The following WAPL variants were observed in gnomAD, a reference collection of about 807,000 sequenced individuals.
WAPL encodes wings apart-like protein homolog.
Under a neutral mutation model 121.0 loss-of-function variants are expected in WAPL, and 5 were observed. The ratio of observed to expected loss-of-function variants is 0.04; its 90% confidence interval spans 0.02 to 0.09. The LOEUF is 0.09. WAPL is among the 10% of genes least tolerant of loss of function. WAPL has a pLI of 1.00. For missense variants in WAPL, 999 were observed against 1,410.8 expected, an observed-to-expected ratio of 0.71 and a Z score of 4.68; for synonymous variants, 480 against 481.5, an observed-to-expected ratio of 1.00 and a Z score of 0.04.
chr10:86,472,526 CTGA>C lies in WAPL; in HGVS notation c.1893+83_1893+85del. 1 of 1,559,176 alleles carries C rather than the reference CTGA, an allele frequency of 6.4e-7. No individual in the cohort carries two copies. Among genetic ancestry groups the C allele is most frequent in the Admixed American group, 2.0e-5 (1 of 51,098 alleles). ...TGGTTCAAAACTGAGTATCAGTATA[CTGA>C]TATTTGTTGAAGATATTAAATGGCT... On this transcript the variant is annotated intron_variant, in intron 6 of 18. Coordinates refer to ENST00000298767, the MANE Select transcript of WAPL (RefSeq NM_015045.5). The surrounding 1 kb of genome is among the most constrained non-coding windows in gnomAD (Gnocchi z 4.2).
rs1436356982 is a variant in WAPL, at chr10:86,437,487, T to C, written c.*56A>G. 6.4e-7 allele frequency: 1 copy of C among 1,569,544 alleles called. No individual in the cohort carries two copies. The highest frequency in any genetic ancestry group is 2.3e-5 in the East Asian group (1 of 44,350). On this transcript the variant is annotated 3_prime_UTR_variant, in exon 19 of 19. Transcript: ENST00000298767. ...AGGACTTCTTTCATGACTTGACTTT[T>C]CTTTGTCTAAGGATAGCTCCAGCAT...
intron 5 of WAPL, among the ~76,000 whole-genome samples, 171 bp downstream of exon 5, chr10:86,473,707 A>C (rs1340545091): frequency 1.3e-5 from 2 of 152,210 alleles, no homozygotes; most frequent in East Asian, 3.8e-4. Context: ...TCTTACTGAC[A>C]ATCCTCAGTT....
intron 13 of WAPL, 93 bp downstream of exon 13, chr10:86,453,563 A>C: frequency 7.0e-7 from 1 of 1,421,898 alleles, no homozygotes; most frequent in African/African-American, 1.4e-5. Flanking sequence ...CAAATAAAAA[A>C]ATCACTACCC....
intron 8 of WAPL, 25 bp from the exon 9 acceptor site, chr10:86,467,531 G>GA (rs765812391): frequency 1.4e-5 from 22 of 1,556,890 alleles, no homozygotes; most frequent in Admixed American, 1.4e-4. Flanking sequence ...AAAAAGAAAA[G>GA]AAAAAAAACT....
intron 4 of WAPL, among the ~76,000 whole-genome samples, chr10:86,486,391 C>T (rs1350784230): frequency 6.6e-6 from 1 of 152,132 alleles, no homozygotes; most frequent in Non-Finnish European, 1.5e-5. Context: ...CCCGTATAAA[C>T]TCATTTTATA....
chr10:86,469,694 C>G (rs1469433258), intron 8 of WAPL, among the ~76,000 whole-genome samples: 1 of 152,152 alleles, frequency 6.6e-6, no homozygotes, highest in Non-Finnish European at 1.5e-5. Flanking sequence ...ACAGAAAACA[C>G]AACCATCTAA....
rs548077152 is a variant in WAPL, at chr10:86,491,061, T to TTAAA, written c.1644+6136_1644+6139dup. ...CTGGGTGACAGAGCAAGACTCTGTC[T>TTAAA]TAAATAAATAAATAAATAAATACAT... On this transcript the variant is annotated intron_variant, in intron 4 of 18. Transcript: ENST00000298767. Among the ~76,000 whole-genome samples, 949 of 150,740 alleles carry TTAAA rather than the reference T, an allele frequency of 6.3e-3. 11 individuals carry two copies. The highest frequency in any genetic ancestry group is 0.022 in the African/African-American group (880 of 40,920).
chr10:86,513,573 C>G (rs1489791685), intron 2 of WAPL, among the ~76,000 whole-genome samples: 2 of 152,126 alleles, frequency 1.3e-5, no homozygotes, highest in African/African-American at 2.4e-5. Flanking sequence ...TGAACCTCCC[C>G]CAAAGTGCTG....
At chr10:86,515,758 G>A (rs960635774) in intron 2 of WAPL, among the ~76,000 whole-genome samples, 2 of 151,738 alleles carry the variant, frequency 1.3e-5, no homozygotes, top group Non-Finnish European at 2.9e-5. Flanking sequence ...CTACAGCCTG[G>A]GCAACACAGC....
intron 8 of WAPL, among the ~76,000 whole-genome samples, chr10:86,470,277 G>A (rs1841507491): frequency 6.6e-6 from 1 of 151,954 alleles, no homozygotes; most frequent in Non-Finnish European, 1.5e-5. Context: ...GAGATGATCT[G>A]CCCACTTTGG....
At chr10:86,475,119 C>T (rs1306893906) in intron 4 of WAPL, among the ~76,000 whole-genome samples, 1 of 152,160 alleles carries the variant, frequency 6.6e-6, no homozygotes, top group Non-Finnish European at 1.5e-5. Context: ...AGGGGATTTT[C>T]AGTTTTAACA....
In WAPL at chr10:86,452,151, C is replaced by A. The variant is rs549413911; in HGVS notation, c.2950-20G>T. 6.8e-6 allele frequency: 11 copies of A among 1,608,328 alleles called. No individual in the cohort carries two copies. The South Asian group carries it at 1.2e-4, about 18-fold the overall frequency. On this transcript the variant is annotated intron_variant, in intron 14 of 18. Transcript: ENST00000298767. ...TAAGCCCTTCAAAAAGTTTAAAAGA[C>A]ACATATTATCAGAGATGAGTACTTA...
intron 12 of WAPL, among the ~76,000 whole-genome samples, chr10:86,454,725 G>A (rs1386898302): frequency 2.0e-5 from 3 of 150,744 alleles, no homozygotes; most frequent in African/African-American, 4.9e-5. Context: ...CCCTCTGCCC[G>A]GCCGCCCAGC....
chr10:86,477,074 G>A (rs977557524), intron 4 of WAPL, among the ~76,000 whole-genome samples: 2 of 152,152 alleles, frequency 1.3e-5, no homozygotes, highest in Non-Finnish European at 2.9e-5. Context: ...TTTTATTTCA[G>A]TGTCTTACAA....
chr10:86,490,234 A>C (rs1365722653), intron 4 of WAPL, among the ~76,000 whole-genome samples: 1 of 151,904 alleles, frequency 6.6e-6, no homozygotes, highest in Non-Finnish European at 1.5e-5. Context: ...ACACATACAC[A>C]CACACAGCTT....
At chr10:86,443,453 A>G in intron 16 of WAPL, 90 bp from the exon 17 acceptor site, 1 of 977,762 alleles carries the variant, frequency 1.0e-6, no homozygotes, top group East Asian at 2.5e-5. Flanking sequence ...CTTTACTTTA[A>G]AACTGCTACA....
At chr10:86,499,315 T>C (rs1328413168) in intron 3 of WAPL, among the ~76,000 whole-genome samples, 1 of 152,124 alleles carries the variant, frequency 6.6e-6, no homozygotes, top group Non-Finnish European at 1.5e-5. Flanking sequence ...TAAACTTGAG[T>C]ATCTAGGAAG....
At chr10:86,511,023 T>G (rs1221385827) in intron 2 of WAPL, among the ~76,000 whole-genome samples, 13 of 151,624 alleles carry the variant, frequency 8.6e-5, no homozygotes, top group Admixed American at 4.6e-4. Context: ...AAATGGGATG[T>G]CACTATGTTG....
chr10:86,472,178 TAATTGTA>T lies in WAPL; in HGVS notation c.2030+23_2030+29del, dbSNP rs1356098553. On this transcript the variant is annotated intron_variant, in intron 7 of 18. Transcript: ENST00000298767. The surrounding 1 kb of genome is among the most constrained non-coding windows in gnomAD (Gnocchi z 4.2). ...GAAAAAATTTAATACAGCATGCACATAATTGTAAAATATAAAAATAAGATCTTACCTA... is the reference window on the plus strand; with the variant it reads ...GAAAAAATTTAATACAGCATGCACATAAATATAAAAATAAGATCTTACCTA... The T allele has an allele frequency of 6.5e-7, 1 of 1,530,934 alleles. No homozygotes were observed. The highest frequency in any genetic ancestry group is 1.4e-5 in the African/African-American group (1 of 70,786). The allele number at this position is 1,530,934 out of a possible 1,614,324, so 94.8% of individuals were successfully genotyped here.
Sources: gnomAD v4.1 joint callset for allele counts (sites outside exome capture counted in the v4.1 genomes callset) on GRCh38, gnomAD v4.1.1 for gene constraint, Gnocchi (gnomAD v3.1) non-coding constraint, MANE v1.5 for transcripts, NCBI Gene and HGNC (gene_info 2026-07-23, HGNC 2026-07-21) for gene names.